LOXHD1: variants seen among roughly 807,000 people sequenced by gnomAD.
LOXHD1 encodes the protein lipoxygenase homology PLAT domains 1.
LOXHD1 carries 205 observed loss-of-function variants against 248.2 expected under a neutral mutation model. The ratio of observed to expected loss-of-function variants is 0.83; its 90% CI spans 0.74 to 0.93. The LOEUF is 0.93. Ranked by LOEUF, LOXHD1 falls within the 40% of genes least tolerant of loss-of-function variation. The pLI is 0.00. For synonymous variants in LOXHD1, 1,113 were observed against 1,162.8 expected, an observed-to-expected ratio of 0.96 and a Z score of 0.87; for missense variants, 2,930 against 2,971.6, an observed-to-expected ratio of 0.99 and a Z score of 0.33.
intron 28 of LOXHD1, among the ~76,000 whole-genome samples, chr18:46,529,548 G>A (rs574954677): frequency 6.8e-4 from 103 of 152,270 alleles, no homozygotes; most frequent in African/African-American, 2.2e-3. Context: ...GACCCAGGTA[G>A]GCTCTATGAG....
At position 46,560,393 on chromosome 18, in the gene LOXHD1, C is replaced by T. The variant is rs940679061; in HGVS notation, c.2751G>A (p.Lys917=). 3 of 1,551,792 alleles carry T rather than the reference C, an allele frequency of 1.9e-6. No homozygotes were observed. Among genetic ancestry groups the T allele is most frequent in the East Asian group, 2.4e-5 (1 of 41,028 alleles). The change falls in exon 19 of 41, where the codon AAG becomes AAA. Residue 917 remains lysine, a synonymous_variant. Transcript: ENST00000642948. ...DLTPEEEARK[K]KEKDKLRQLL... The stretch of plus-strand genomic sequence containing the variant: ...GCTGCCGCAGCTTGTCCTTCTCCTT[C>T]TTCTTCCGGGCCTCCTCCTCCGGCG...
Position 46,610,926 on chromosome 18 carries a change from T to A in LOXHD1, c.611-2A>T, listed in dbSNP as rs1287270284. The A allele has an allele frequency of 6.4e-7, 1 of 1,551,798 alleles. No individual in the cohort carries two copies. The highest frequency in any genetic ancestry group is 2.4e-5 in the East Asian group (1 of 40,922). ...TTTCATTTTCTAGCCTACGCTCCCC[T>A]GTATGCACAGACATACAAAAGAAAT... On this transcript the variant is annotated splice_acceptor_variant, in intron 5 of 40. Transcript: ENST00000642948. LOFTEE classifies it high-confidence loss of function.
At chr18:46,654,032 T>C (rs1406343245) in intron 1 of LOXHD1, among the ~76,000 whole-genome samples, 4 of 152,184 alleles carry the variant, frequency 2.6e-5, no homozygotes, top group Non-Finnish European at 5.9e-5. Flanking sequence ...TGTGATAGTA[T>C]TAAGGGGTGG....
chr18:46,543,137 C>T (rs1275482050), intron 23 of LOXHD1, among the ~76,000 whole-genome samples: 3 of 152,248 alleles, frequency 2.0e-5, no homozygotes, highest in Admixed American at 6.5e-5. Context: ...GTACTCTGTA[C>T]CCAATGTTGT....
Position 46,558,367 on chromosome 18 carries a change from CA to C in LOXHD1, c.3217-879del, listed in dbSNP as rs1340152193. On this transcript the variant is annotated intron_variant, in intron 20 of 40. Transcript: ENST00000642948. ...ATAATCACACTAGAATGATCCAATT[CA>C]GAAAACTTAACATCAACATAATGCT... Among the ~76,000 whole-genome samples, 3 of 152,304 alleles carry C rather than the reference CA, an allele frequency of 2.0e-5. No individual in the cohort carries two copies. In the East Asian group the frequency reaches 5.8e-4, roughly 29 times the overall value.
intron 37 of LOXHD1, among the ~76,000 whole-genome samples, chr18:46,492,623 A>G (rs1055836874): frequency 4.6e-5 from 7 of 152,222 alleles, no homozygotes; most frequent in African/African-American, 1.4e-4. Flanking sequence ...GCCAAAGCAT[A>G]TCAGTAGACC....
At chr18:46,609,748 G>A (rs554157124) in intron 6 of LOXHD1, among the ~76,000 whole-genome samples, 3 of 152,040 alleles carry the variant, frequency 2.0e-5, no homozygotes, top group Non-Finnish European at 4.4e-5. Flanking sequence ...CCATTACAGT[G>A]CCTCTTTCCC....
rs568747938 is a variant in LOXHD1 at position 46,491,908 on chromosome 18, C to A, written c.5879-2766G>T. Among the ~76,000 whole-genome samples the A allele has an allele frequency of 1.2e-3, 176 of 152,272 alleles. 3 individuals are homozygous for A. In the Middle Eastern group the frequency reaches 0.02, roughly 18 times the overall value. On this transcript the variant is annotated intron_variant, in intron 37 of 40. Transcript: ENST00000642948. ...CAGGTTGCCTCTCTTCCCACTGTGG[C>A]CCCCTTTCCCCCGTCCTCTCAAAAA...
At chr18:46,572,336 T>C (rs776030515) in intron 14 of LOXHD1, among the ~76,000 whole-genome samples, 174 bp from the exon 15 acceptor site, 1 of 152,172 alleles carries the variant, frequency 6.6e-6, no homozygotes, top group Non-Finnish European at 1.5e-5. Flanking sequence ...AAAGGAGGAC[T>C]TCCCGGAGGC....
rs964614098 is a variant in LOXHD1 at position 46,593,149 on chromosome 18, A to T, written c.1431+451T>A. ...AAATAGCACTTCCATTGGGGGAAAAAATCTTTGCTCTAGTTTTATGCATAA... is the reference window on the plus strand; with the variant it reads ...AAATAGCACTTCCATTGGGGGAAAATATCTTTGCTCTAGTTTTATGCATAA... On this transcript the variant is annotated intron_variant, in intron 10 of 40. Coordinates refer to ENST00000642948, the MANE Select transcript of LOXHD1 (RefSeq NM_001384474.1). 2.0e-5 allele frequency among the ~76,000 whole-genome samples: 3 copies of T among 152,146 alleles called. No homozygotes were observed. In the South Asian group the frequency reaches 6.2e-4, roughly 32 times the overall value.
chr18:46,603,724 C>T (rs2038372915), intron 7 of LOXHD1, among the ~76,000 whole-genome samples: 1 of 152,122 alleles, frequency 6.6e-6, no homozygotes, highest in Admixed American at 6.6e-5. Context: ...GTTGTGAGGA[C>T]TGAAGGACAC....
intron 20 of LOXHD1, 30 bp downstream of exon 20, chr18:46,559,418 C>A: frequency 6.4e-7 from 1 of 1,551,906 alleles, no homozygotes; most frequent in Non-Finnish European, 8.7e-7. Context: ...CCCACAGCCC[C>A]CACCCAGGGG....
chr18:46,559,701 G>A (rs1568184389), intron 19 of LOXHD1, 99 bp from the exon 20 acceptor site: 7 of 1,309,430 alleles, frequency 5.3e-6, no homozygotes, highest in African/African-American at 1.5e-5. Context: ...CTAGAACAGA[G>A]GGATCTTCAG....
chr18:46,639,817 G>A lies in LOXHD1; in HGVS notation c.327-17C>T, dbSNP rs1465802514. ...TGCTCAATCCTGAGGCAGAAGCCAA[G>A]GCCCACACCATCACTGGCAGAACTG... On this transcript the variant is annotated splice_polypyrimidine_tract_variant and intron_variant, in intron 3 of 40. Transcript: ENST00000642948. The A allele has an allele frequency of 6.4e-7, 1 of 1,551,626 alleles. No individual in the cohort carries two copies. Among genetic ancestry groups the A allele is most frequent in the South Asian group, 1.2e-5 (1 of 84,050 alleles).
In LOXHD1 at chr18:46,563,231, T is replaced by G; in HGVS notation, c.2438-6A>C. The stretch of plus-strand genomic sequence containing the variant: ...CTCAACCTCATAGTGGACCACTGGG[T>G]GGGCACGTGCAGAAGAAGTGGAACA... On this transcript the variant is annotated splice_polypyrimidine_tract_variant and splice_region_variant and intron_variant, in intron 17 of 40. Transcript: ENST00000642948. 17 of 1,493,998 alleles carry G rather than the reference T, an allele frequency of 1.1e-5. No homozygotes were observed. Among genetic ancestry groups the G allele is most frequent in the Non-Finnish European group, 1.5e-5 (17 of 1,104,928 alleles). 92.5% of individuals were successfully genotyped at this position (1,493,998 alleles called of 1,614,324 possible).
At chr18:46,496,466 T>C (rs1598846189) in intron 37 of LOXHD1, among the ~76,000 whole-genome samples, 2 of 152,310 alleles carry the variant, frequency 1.3e-5, no homozygotes, top group African/African-American at 2.4e-5. Flanking sequence ...TCAAACAAAA[T>C]ATATTTTTCC....
chr18:46,558,798 T>G (rs1812125), intron 20 of LOXHD1, among the ~76,000 whole-genome samples: 33,773 of 151,946 alleles, frequency 0.22, 3,983 homozygotes, highest in Admixed American at 0.24. Flanking sequence ...AAGAGTAAGG[T>G]ATGTGTATTT....
Position 46,505,843 on chromosome 18 carries a change from T to C in LOXHD1, c.5873A>G (p.Asn1958Ser). Residue 1958 changes from asparagine (N) to serine (S), a missense_variant, in exon 37 of 41, where the codon AAC (asparagine) becomes AGC (serine). Physicochemically the swap from Asn to Ser is conservative, Grantham distance 46. Coordinates refer to ENST00000642948, the MANE Select transcript of LOXHD1 (RefSeq NM_001384474.1). ...HLCKLRVWHD[N>S]KGIFPGWHLS... The stretch of plus-strand genomic sequence containing the variant: ...TGGCCTTGAGTGGGAGCTACCTTTG[T>C]TGTCGTGCCAGACCCTCAGCTTGCA... The C allele has an allele frequency of 1.3e-6, 2 of 1,551,674 alleles. No individual in the cohort carries two copies. The highest frequency in any genetic ancestry group is 1.4e-5 in the African/African-American group (1 of 73,154).
intron 40 of LOXHD1, among the ~76,000 whole-genome samples, chr18:46,479,134 T>G (rs146674059): frequency 3.3e-5 from 5 of 152,000 alleles, no homozygotes; most frequent in African/African-American, 1.2e-4. Context: ...GAATCCAGAG[T>G]GACAATTTTA....
Sources: allele counts gnomAD v4.1 joint callset (sites outside exome capture counted in the v4.1 genomes callset), GRCh38; gene constraint gnomAD v4.1.1; transcripts MANE v1.5; gene names NCBI Gene and HGNC (gene_info 2026-07-23, HGNC 2026-07-21).